KRT37: variants seen among roughly 807,000 people sequenced by gnomAD.
KRT37 encodes keratin 37.
A neutral mutation model predicts 41.9 loss-of-function variants in KRT37; 38 were observed. The ratio of observed to expected loss-of-function variants is 0.91; its 90% confidence interval spans 0.70 to 1.19. The LOEUF is 1.19. KRT37 is among the 50% of genes most tolerant of loss of function. The pLI is 0.00. For missense variants in KRT37, 580 were observed against 575.5 expected, an observed-to-expected ratio of 1.01 and a Z score of -0.08; for synonymous variants, 252 against 243.4, an observed-to-expected ratio of 1.04 and a Z score of -0.33.
At position 41,422,344 on chromosome 17, in the gene KRT37, C is replaced by T; in HGVS notation, c.823G>A (p.Glu275Lys). Residue 275 changes from glutamate to lysine, a missense_variant, in exon 4 of 7, where the codon GAG becomes AAG. Glu to Lys is a moderately conservative substitution (Grantham distance 56). Coordinates refer to ENST00000225550, the MANE Select transcript of KRT37 (RefSeq NM_003770.5). ...ATGGCCTCGTACTGAGCCCGCATCT[C>T]CCCCAACACCCTGTTCAGGTCAATG... The part of the protein sequence containing the change: ...PTIDLNRVLG[E>K]MRAQYEAMVE... 1 of 1,614,180 alleles carries T rather than the reference C, an allele frequency of 6.2e-7. No homozygotes were observed. Among genetic ancestry groups the T allele is most frequent in the South Asian group, 1.1e-5 (1 of 91,080 alleles).
chr17:41,424,138 T>G lies in KRT37; in HGVS notation c.386A>C (p.Asn129Thr), dbSNP rs750241817. 1.4e-4 allele frequency: 223 copies of G among 1,614,120 alleles called. 2 individuals carry two copies. In the Admixed American group the frequency reaches 3.6e-3, roughly 26 times the overall value. ...GAGGAGTGTGGTCTCCAGCTCTGCA[T>G]TCTCCTGCTCCAGCTGGCGCACCTT... is the stretch of plus-strand genomic sequence containing the variant. ...LEKVRQLEQE[N>T]AELETTLLER... Residue 129 changes from asparagine to threonine, a missense_variant, in exon 1 of 7, where the codon AAT becomes ACT. Transcript: ENST00000225550.
chr17:41,424,342 G>T lies in KRT37; in HGVS notation c.182C>A (p.Pro61His). 1 of 1,614,122 alleles carries T rather than the reference G, an allele frequency of 6.2e-7. No individual in the cohort carries two copies. The highest frequency in any genetic ancestry group is 8.5e-7 in the Non-Finnish European group (1 of 1,180,012). Reference protein sequence around the residue: ...HANRVRVGSTPLGRPSLCLPP... With the variant: ...HANRVRVGSTHLGRPSLCLPP... The stretch of plus-strand genomic sequence containing the variant: ...CAGACAGAGGCTGGGGCGGCCCAGG[G>T]GAGTCGACCCCACACGGACTCTGTT... The change falls in exon 1 of 7, where the codon CCC (proline) becomes CAC (histidine). Residue 61 changes from proline (P) to histidine (H), a missense_variant. Pro to His is a moderately conservative substitution (Grantham distance 77). Coordinates refer to ENST00000225550, the MANE Select transcript of KRT37 (RefSeq NM_003770.5).
At position 41,424,453 on chromosome 17, in the gene KRT37, A is replaced by G. The variant is rs770877466; in HGVS notation, c.71T>C (p.Phe24Ser). 5.0e-6 allele frequency: 8 copies of G among 1,608,778 alleles called. No homozygotes were observed. Among genetic ancestry groups the G allele is most frequent in the African/African-American group, 1.3e-5 (1 of 74,944 alleles). ...CTMAPGARNV[F>S]VSPIDVGCQP... ...GCACCCAACATCGATAGGAGAGACA[A>G]AGACATTTCTTGCTCCAGGAGCCAT... Residue 24 changes from phenylalanine to serine, a missense_variant, in exon 1 of 7, where the codon TTT becomes TCT. Coordinates refer to ENST00000225550, the MANE Select transcript of KRT37 (RefSeq NM_003770.5).
At chr17:41,421,219 GACCAGGAGAGGTTAATGAGTC>G (rs2018534670) in intron 6 of KRT37, 127 bp downstream of exon 6, 1 of 907,742 alleles carries the variant, frequency 1.1e-6, no homozygotes, top group East Asian at 2.6e-5. Flanking sequence ...AGTCTGCACA[GACCAGGAGAGGTTAATGAGTC>G]ACTGAGCAAG....
rs1174567937 is a variant in KRT37 at position 41,424,306 on chromosome 17, C to T, written c.218G>A (p.Ser73Asn). ...GRPSLCLPPT[S>N]HTACPLPGTC... is the part of the protein sequence containing the mutation. ...CCCTGGCAAGGGACAAGCAGTGTGA[C>T]TGGTTGGGGGCAGACAGAGGCTGGG... The change falls in exon 1 of 7, where the codon AGT becomes AAT. Residue 73 changes from serine (S) to asparagine (N), a missense_variant. Coordinates refer to ENST00000225550, the MANE Select transcript of KRT37 (RefSeq NM_003770.5). 1.9e-6 allele frequency: 3 copies of T among 1,614,064 alleles called. No individual in the cohort carries two copies. Among genetic ancestry groups the T allele is most frequent in the Non-Finnish European group, 2.5e-6 (3 of 1,180,020 alleles).
At chr17:41,423,570 T>G in intron 2 of KRT37, 192 bp downstream of exon 2, 1 of 581,338 alleles carries the variant, frequency 1.7e-6, no homozygotes, top group Non-Finnish European at 3.0e-6. Context: ...TTCTTTTTCT[T>G]TCAATGCTTA....
In KRT37 at chr17:41,422,954, A is replaced by T; in HGVS notation, c.576-20T>A. On this transcript the variant is annotated intron_variant, in intron 2 of 6. Transcript: ENST00000225550. Reference sequence around the variant, plus strand: ...TCCAGCCTTCCGTCACAGGAGGCACAGGGTCAAAAAGAATGCCCCAATAGC... The same window carrying T: ...TCCAGCCTTCCGTCACAGGAGGCACTGGGTCAAAAAGAATGCCCCAATAGC... 6.2e-7 allele frequency: 1 copy of T among 1,603,808 alleles called. No individual in the cohort carries two copies.
At chr17:41,422,659 C>T in intron 3 of KRT37, 119 bp downstream of exon 3, 1 of 1,293,946 alleles carries the variant, frequency 7.7e-7, no homozygotes. Context: ...CTCAGACCCA[C>T]CTCAGCCCTG....
In KRT37 at chr17:41,422,360, C is replaced by A. The variant is rs2018552623; in HGVS notation, c.807G>T (p.Leu269=). 1.2e-6 allele frequency: 2 copies of A among 1,614,240 alleles called. No individual in the cohort carries two copies. The highest frequency in any genetic ancestry group is 1.6e-4 in the Middle Eastern group (1 of 6,062). Residue 269 remains leucine (L), a synonymous_variant, in exon 4 of 7, where the codon CTG becomes CTT. Transcript: ENST00000225550. ...CCCGCATCTCCCCCAACACCCTGTT[C>A]AGGTCAATGGTGGGCTCAATGTCCA... The part of the protein sequence containing the change: ...IELDIEPTID[L]NRVLGEMRAQ...
chr17:41,420,723 G>C lies in KRT37; in HGVS notation c.*155C>G. Reference sequence around the variant, plus strand: ...CAACAACAAAAAATACAGCTTAGAGGCATAGGCAGGGAGCCACTCCTTGGA... The same window carrying C: ...CAACAACAAAAAATACAGCTTAGAGCCATAGGCAGGGAGCCACTCCTTGGA... On this transcript the variant is annotated 3_prime_UTR_variant, in exon 7 of 7. Coordinates refer to ENST00000225550, the MANE Select transcript of KRT37 (RefSeq NM_003770.5). 1 of 534,632 alleles carries C rather than the reference G, an allele frequency of 1.9e-6. No individual in the cohort carries two copies. Among genetic ancestry groups the C allele is most frequent in the Admixed American group, 3.2e-5 (1 of 31,120 alleles). 33.1% of individuals were successfully genotyped at this position (534,632 alleles called of 1,614,324 possible).
At position 41,424,112 on chromosome 17, in the gene KRT37, C is replaced by G. The variant is rs369798171; in HGVS notation, c.412G>C (p.Glu138Gln). ...GTGGACTCGTGGCACTTGCTCCTCTCGAGGAGTGTGGTCTCCAGCTCTGCA... is the reference window on the plus strand; with the variant it reads ...GTGGACTCGTGGCACTTGCTCCTCTGGAGGAGTGTGGTCTCCAGCTCTGCA... ...ENAELETTLL[E>Q]RSKCHESTVC... is the part of the protein sequence containing the mutation. Residue 138 changes from glutamate to glutamine, a missense_variant, in exon 1 of 7, where the codon GAG (glutamate) becomes CAG (glutamine). Coordinates refer to ENST00000225550, the MANE Select transcript of KRT37 (RefSeq NM_003770.5). 3.7e-5 allele frequency: 59 copies of G among 1,614,226 alleles called. No homozygotes were observed. Among genetic ancestry groups the G allele is most frequent in the South Asian group, 3.6e-4 (33 of 91,076 alleles).
At chr17:41,422,467 A>T (rs766335980) in intron 3 of KRT37, 33 bp from the exon 4 acceptor site, 12 of 1,610,884 alleles carry the variant, frequency 7.4e-6, no homozygotes, top group Non-Finnish European at 1.0e-5. Context: ...CAGCCTGCGT[A>T]AGGAAACGGC....
chr17:41,423,444 T>G, intron 2 of KRT37: 2 of 346,854 alleles, frequency 5.8e-6, no homozygotes, highest in Non-Finnish European at 5.2e-6. Context: ...AACCTATGCA[T>G]TGACAGTTTA....
In KRT37 at chr17:41,420,918, C is replaced by T; in HGVS notation, c.1310G>A (p.Gly437Asp). The T allele has an allele frequency of 8.1e-6, 13 of 1,614,020 alleles. No homozygotes were observed. Among genetic ancestry groups the T allele is most frequent in the Non-Finnish European group, 1.1e-5 (13 of 1,179,982 alleles). The stretch of plus-strand genomic sequence containing the variant: ...GGCTCCATGGCCAGAGGGAGACCCA[C>T]CGGTGACAGGGCCACAGCTTGGACA... ...TSCPSCGPVT[G>D]GSPSGHGASM... is the part of the protein sequence containing the mutation. The change falls in exon 7 of 7, where the codon GGT (glycine) becomes GAT (aspartate). Residue 437 changes from glycine (G) to aspartate (D), a missense_variant. Physicochemically the swap from Gly to Asp is moderately conservative, Grantham distance 94. Transcript: ENST00000225550.
rs973106401 is a variant in KRT37, at chr17:41,420,962, C to T, written c.1266G>A (p.Thr422=). 3.7e-6 allele frequency: 6 copies of T among 1,613,814 alleles called. No homozygotes were observed. Among genetic ancestry groups the T allele is most frequent in the Non-Finnish European group, 4.2e-6 (5 of 1,179,858 alleles). ...DCKLPCNPCS[T]PASCTSCPSC... is the part of the protein sequence containing the mutation. ...TTGGACAAGAAGTACAGGAGGCAGG[C>T]GTGGAACAGGGATTGCAGGGGAGTC... Residue 422 remains threonine, a synonymous_variant, in exon 7 of 7, where the codon ACG becomes ACA. Transcript: ENST00000225550.
chr17:41,423,913 T>G, intron 1 of KRT37, 69 bp from the exon 2 acceptor site: 1 of 1,604,846 alleles, frequency 6.2e-7, no homozygotes, highest in South Asian at 1.1e-5. Context: ...ATGTGTGGTA[T>G]TTACGCTCAT....
intron 2 of KRT37, chr17:41,423,504 A>C (rs2018571649): frequency 4.5e-6 from 2 of 447,902 alleles, no homozygotes; most frequent in Non-Finnish European, 3.9e-6. Flanking sequence ...AAATCCTCTT[A>C]TCTTCTAGAT....
chr17:41,422,274 T>A lies in KRT37; in HGVS notation c.893A>T (p.Gln298Leu). 1.2e-6 allele frequency: 2 copies of A among 1,614,040 alleles called. No homozygotes were observed. The highest frequency in any genetic ancestry group is 2.2e-5 in the South Asian group (2 of 91,070). Reference sequence around the variant, plus strand: ...CCTGGCTCTGTAACCCCCACTCACCTGGGCTTGGAACCACTGTTCCACATC... The same window carrying A: ...CCTGGCTCTGTAACCCCCACTCACCAGGGCTTGGAACCACTGTTCCACATC... Reference protein sequence around the residue: ...HQDVEQWFQAQSEGISLQAMS... With the variant: ...HQDVEQWFQALSEGISLQAMS... The change falls in exon 4 of 7, where the codon CAG becomes CTG. Residue 298 changes from glutamine to leucine, a missense_variant and splice_region_variant. Physicochemically the swap from Gln to Leu is moderately radical, Grantham distance 113 (BLOSUM62 -2). Coordinates refer to ENST00000225550, the MANE Select transcript of KRT37 (RefSeq NM_003770.5).
chr17:41,422,310 G>A lies in KRT37; in HGVS notation c.857C>T (p.Thr286Ile), dbSNP rs1286092914. 6.2e-7 allele frequency: 1 copy of A among 1,614,072 alleles called. No homozygotes were observed. The highest frequency in any genetic ancestry group is 1.7e-5 in the Admixed American group (1 of 60,012). Residue 286 changes from threonine (T) to isoleucine (I), a missense_variant, in exon 4 of 7, where the codon ACC becomes ATC. Coordinates refer to ENST00000225550, the MANE Select transcript of KRT37 (RefSeq NM_003770.5). ...MRAQYEAMVE[T>I]NHQDVEQWFQ... is the part of the protein sequence containing the mutation. ...CCACTGTTCCACATCCTGGTGGTTGGTCTCCACCATGGCCTCGTACTGAGC... is the reference window on the plus strand; with the variant it reads ...CCACTGTTCCACATCCTGGTGGTTGATCTCCACCATGGCCTCGTACTGAGC...
Sources: allele counts gnomAD v4.1 joint callset, GRCh38; gene constraint gnomAD v4.1.1; transcripts MANE v1.5; gene names NCBI Gene and HGNC (gene_info 2026-07-23, HGNC 2026-07-21).